PACS2: variants seen among roughly 807,000 people sequenced by gnomAD.
The protein encoded by PACS2 is PACS1-like protein.
A neutral mutation model predicts 113.0 loss-of-function variants in PACS2; 36 were observed. The observed-to-expected ratio is 0.32, with a 90% CI of 0.24 to 0.42. The LOEUF is 0.42. PACS2 is among the 10% of genes least tolerant of loss of function. The probability of loss-of-function intolerance (pLI) is 1.00; values close to 1 mark genes in which losing one functional copy is unlikely to be tolerated. For synonymous variants in PACS2, 589 were observed against 536.1 expected (o/e 1.10, Z -1.36); for missense variants, 1,015 against 1,239.5 (o/e 0.82, Z 2.72).
rs587721854 is a variant in PACS2, at chr14:105,348,755, C to G, written c.207+175C>G. 127 of 602,104 alleles carry G rather than the reference C, an allele frequency of 2.1e-4. No homozygotes were observed. The African/African-American group carries it at 2.3e-3, about 11-fold the overall frequency. The allele number at this position is 602,104 out of a possible 1,614,324, so 37.3% of individuals were successfully genotyped here. A position where few individuals can be genotyped will look rare whatever the true frequency, so the allele number is the denominator to read the frequency against. ...TGACAGGATGCTCCTGGGTCCAGTC[C>G]TGTCCCGCACAAGGGAGGCAGGCCC... On this transcript the variant is annotated intron_variant, in intron 2 of 24. Transcript: ENST00000447393. The surrounding 1 kb of genome is among the most constrained non-coding windows in gnomAD (Gnocchi z 6.4).
chr14:105,374,472 A>T, intron 8 of PACS2: 1 of 152,242 alleles, frequency 6.6e-6, no homozygotes, highest in East Asian at 1.9e-4. Context: ...ATAAAGACAC[A>T]GACAGTCTAG....
chr14:105,365,775 G>A lies in PACS2; in HGVS notation c.424-1438G>A, dbSNP rs1326817030. Among the ~76,000 whole-genome samples the A allele has an allele frequency of 6.6e-6, 1 of 152,132 alleles. No individual in the cohort carries two copies. Among genetic ancestry groups the A allele is most frequent in the Non-Finnish European group, 1.5e-5 (1 of 68,018 alleles). The stretch of plus-strand genomic sequence containing the variant: ...TCTGAGCTTCCAGGTTCTCACCCCT[G>A]TGTGACACTGAGACCCTGCCACATC... On this transcript the variant is annotated intron_variant, in intron 4 of 24. Coordinates refer to ENST00000447393, the MANE Select transcript of PACS2 (RefSeq NM_001100913.3). The surrounding 1 kb of genome is among the most constrained non-coding windows in gnomAD (Gnocchi z 5.1).
In PACS2 at chr14:105,323,916, C is replaced by T. The variant is rs1005757785; in HGVS notation, c.119+8879C>T. On this transcript the variant is annotated intron_variant, in intron 1 of 24. Transcript: ENST00000447393. This position sits in a 1 kb window ranked among gnomAD's most constrained non-coding sequence, Gnocchi z 4.1. ...ACCTGGCCCATCGCCGTGGCCTGCACGGTGCGTGCACACCGCTCTGTCCGC... is the reference window on the plus strand; with the variant it reads ...ACCTGGCCCATCGCCGTGGCCTGCATGGTGCGTGCACACCGCTCTGTCCGC... Among the ~76,000 whole-genome samples, 2 of 152,218 alleles carry T rather than the reference C, an allele frequency of 1.3e-5. No homozygotes were observed. The highest frequency in any genetic ancestry group is 1.3e-4 in the Admixed American group (2 of 15,288).
intron 24 of PACS2, 35 bp downstream of exon 24, chr14:105,393,370 G>C: frequency 6.9e-7 from 1 of 1,457,852 alleles, no homozygotes; most frequent in Non-Finnish European, 9.5e-7. Context: ...TGTAGAGTGG[G>C]ACGTAGGTGA....
intron 6 of PACS2, 110 bp from the exon 7 acceptor site, chr14:105,368,349 A>C (rs2061019455): frequency 4.4e-6 from 4 of 909,658 alleles, no homozygotes; most frequent in African/African-American, 1.6e-5. Context: ...CTTGGGACAC[A>C]GGTGGGCTCT....
chr14:105,367,906 ACTCGGGGG>A (rs1555408342), intron 5 of PACS2, among the ~76,000 whole-genome samples, 160 bp from the exon 6 acceptor site: 1 of 151,438 alleles, frequency 6.6e-6, no homozygotes, highest in African/African-American at 2.4e-5. Context: ...GACTTGGGGG[ACTCGGGGG>A]CTCGGGGCCA....
rs1490833849 is a variant in PACS2 at position 105,376,563 on chromosome 14, A to G, written c.802-205A>G. 1.3e-5 allele frequency among the ~76,000 whole-genome samples: 2 copies of G among 152,134 alleles called. No individual in the cohort carries two copies. The highest frequency in any genetic ancestry group is 1.5e-5 in the Non-Finnish European group (1 of 68,014). ...CCCAGGGGAGGTGGAGGAATGCCAC[A>G]CGCACCGGTACCTGGGGACCGGGGG... On this transcript the variant is annotated intron_variant, in intron 8 of 24. Transcript: ENST00000447393. This position sits in a 1 kb window ranked among gnomAD's most constrained non-coding sequence, Gnocchi z 4.7.
intron 1 of PACS2, among the ~76,000 whole-genome samples, chr14:105,308,481 C>CA (rs2058255086): frequency 8.0e-6 from 1 of 124,582 alleles, no homozygotes. Flanking sequence ...CAGATTCTGT[C>CA]TTTTTTTTTT....
chr14:105,350,134 G>C (rs2060113102), intron 2 of PACS2, among the ~76,000 whole-genome samples: 1 of 152,092 alleles, frequency 6.6e-6, no homozygotes, highest in Non-Finnish European at 1.5e-5. Flanking sequence ...TGCCCAGGGT[G>C]CCCAGTACCT....
rs1450543938 is a variant in PACS2 at position 105,365,389 on chromosome 14, C to T, written c.424-1824C>T. Among the ~76,000 whole-genome samples, 1 of 152,100 alleles carries T rather than the reference C, an allele frequency of 6.6e-6. No homozygotes were observed. ...GGCCTGCAGATATCAAAATAGTGTT[C>T]ACATATAGGTCGACCACAGGCTGAG... is the stretch of plus-strand genomic sequence containing the variant. On this transcript the variant is annotated intron_variant, in intron 4 of 24. Transcript: ENST00000447393. This position sits in a 1 kb window ranked among gnomAD's most constrained non-coding sequence, Gnocchi z 5.1.
upstream of PACS2, among the ~76,000 whole-genome samples, chr14:105,312,326 A>G (rs1167837643): frequency 6.6e-6 from 1 of 152,196 alleles, no homozygotes; most frequent in Non-Finnish European, 1.5e-5. Context: ...TGAAGCTTTA[A>G]CTTCTTAAAT....
chr14:105,391,020 C>T (rs1431853265), intron 20 of PACS2, 187 bp from the exon 21 acceptor site: 2 of 618,106 alleles, frequency 3.2e-6, no homozygotes, highest in Non-Finnish European at 5.8e-6. Flanking sequence ...TCTGTCCCCA[C>T]ATGGCTGCTC....
At position 105,355,548 on chromosome 14, in the gene PACS2, T is replaced by C. The variant is rs2060408595; in HGVS notation, c.423+371T>C. The stretch of plus-strand genomic sequence containing the variant: ...GGGTGCGTCCTGTGATGGGTTCGTG[T>C]CTGCATCCTGCTCAGCACGTGCTCT... On this transcript the variant is annotated intron_variant, in intron 4 of 24. Transcript: ENST00000447393. This position sits in a 1 kb window ranked among gnomAD's most constrained non-coding sequence, Gnocchi z 4.1. Among the ~76,000 whole-genome samples, 1 of 152,236 alleles carries C rather than the reference T, an allele frequency of 6.6e-6. No homozygotes were observed. Among genetic ancestry groups the C allele is most frequent in the Admixed American group, 6.5e-5 (1 of 15,290 alleles).
At chr14:105,312,995 G>GGGA (rs1211584783), upstream of PACS2, among the ~76,000 whole-genome samples, 1 of 152,158 alleles carries the variant, frequency 6.6e-6, no homozygotes, top group Non-Finnish European at 1.5e-5. Context: ...CACTTGGGAT[G>GGGA]GGACAGAACT....
chr14:105,330,605 A>G lies in PACS2; in HGVS notation c.119+15568A>G, dbSNP rs1353637875. 1.3e-5 allele frequency among the ~76,000 whole-genome samples: 2 copies of G among 152,162 alleles called. No individual in the cohort carries two copies. ...CCCAGGGTGGCAGCTAGTGCAGCCT[A>G]GGCCACACCAGCATGACCCCTCGCC... is the stretch of plus-strand genomic sequence containing the variant. On this transcript the variant is annotated intron_variant, in intron 1 of 24. Coordinates refer to ENST00000447393, the MANE Select transcript of PACS2 (RefSeq NM_001100913.3). This position sits in a 1 kb window ranked among gnomAD's most constrained non-coding sequence, Gnocchi z 6.9.
chr14:105,337,359 C>T (rs587735291), intron 1 of PACS2, among the ~76,000 whole-genome samples: 122 of 152,244 alleles, frequency 8.0e-4, no homozygotes, highest in African/African-American at 2.8e-3. Context: ...GGATGGATGG[C>T]GGTGAGGGCT....
At chr14:105,301,299 A>T (rs891475347) in intron 1 of PACS2, 5 of 128,640 alleles carry the variant, frequency 3.9e-5, no homozygotes, top group African/African-American at 1.5e-4. Context: ...GTGAGGACTC[A>T]GCCGGATGCG....
At position 105,383,383 on chromosome 14, in the gene PACS2, G is replaced by A. The variant is rs782097560; in HGVS notation, c.1650G>A (p.Pro550=). The change falls in exon 16 of 25, where the codon CCG becomes CCA. Residue 550 remains proline (P), a synonymous_variant. Transcript: ENST00000447393. The part of the protein sequence containing the change: ...QRYCNCNSQP[P]TPVKIAVAGA... ...GCTGCAACTGCAATTCCCAGCCCCC[G>A]ACCCCCGTGAAGATCGCCGTGGCGG... is the stretch of plus-strand genomic sequence containing the variant. 8.7e-6 allele frequency: 14 copies of A among 1,608,474 alleles called. No individual in the cohort carries two copies. Among genetic ancestry groups the A allele is most frequent in the African/African-American group, 5.3e-5 (4 of 75,048 alleles).
chr14:105,380,266 C>G, intron 11 of PACS2, 112 bp downstream of exon 11: 1 of 878,824 alleles, frequency 1.1e-6, no homozygotes, highest in Non-Finnish European at 1.8e-6. Context: ...CATGTCACAC[C>G]TGGTGTGCAG....
Sources: allele counts gnomAD v4.1 joint callset (sites outside exome capture counted in the v4.1 genomes callset), GRCh38; gene constraint gnomAD v4.1.1; non-coding constraint Gnocchi (gnomAD v3.1); transcripts MANE v1.5; gene names NCBI Gene and HGNC (gene_info 2026-07-23, HGNC 2026-07-21).